Variants in LRRFIP2 observed in about 807,000 individuals in gnomAD.
LRRFIP2 encodes LRR binding FLII interacting protein 2.
A neutral mutation model predicts 125.9 loss-of-function variants in LRRFIP2; 109 were observed. The observed-to-expected ratio is 0.87, with a 90% CI of 0.74 to 1.01. The LOEUF is 1.01. LRRFIP2 is among the 50% of genes least tolerant of loss of function. The pLI is 0.00. For missense variants in LRRFIP2, 850 were observed against 862.3 expected (o/e 0.99, Z 0.18); for synonymous variants, 291 against 293.1 (o/e 0.99, Z 0.07).
At chr3:37,138,187 C>T (rs975383322) in intron 2 of LRRFIP2, among the ~76,000 whole-genome samples, 17 of 152,180 alleles carry the variant, frequency 1.1e-4, no homozygotes, top group Non-Finnish European at 2.9e-5. Context: ...ATGCCCAATA[C>T]CCAAAGCATT....
At chr3:37,090,251 C>CAA (rs1421643738) in intron 18 of LRRFIP2, among the ~76,000 whole-genome samples, 1 of 129,424 alleles carries the variant, frequency 7.7e-6, no homozygotes, top group Non-Finnish European at 1.8e-5. Context: ...TGTTTTGAGA[C>CAA]AGAGTCTCGC....
Position 37,100,261 on chromosome 3 carries a change from G to A in LRRFIP2, c.873+2663C>T, listed in dbSNP as rs181751014. ...GATCAGTTGAGCCCAAGAGTTTGAG[G>A]CTGCAGTGAGCTATGATGGCTCCAC... On this transcript the variant is annotated intron_variant, in intron 15 of 27. Transcript: ENST00000336686. Among the ~76,000 whole-genome samples, 21 of 152,134 alleles carry A rather than the reference G, an allele frequency of 1.4e-4. No individual in the cohort carries two copies. The East Asian group carries it at 2.3e-3, about 17-fold the overall frequency.
At chr3:37,165,608 T>C (rs2096460968) in intron 1 of LRRFIP2, among the ~76,000 whole-genome samples, 1 of 151,444 alleles carries the variant, frequency 6.6e-6, no homozygotes, top group Non-Finnish European at 1.5e-5. Flanking sequence ...AAAAATTAGC[T>C]GGGCGTGGTG....
At chr3:37,151,872 TG>T (rs1363006126) in intron 1 of LRRFIP2, among the ~76,000 whole-genome samples, 1 of 152,182 alleles carries the variant, frequency 6.6e-6, no homozygotes, top group Non-Finnish European at 1.5e-5. Flanking sequence ...CCCAAAGTGC[TG>T]GGATTACAGG....
chr3:37,059,406 T>G (rs2148666576), intron 24 of LRRFIP2, among the ~76,000 whole-genome samples: 1 of 152,312 alleles, frequency 6.6e-6, no homozygotes, highest in South Asian at 2.1e-4. Flanking sequence ...AGAGATTATT[T>G]CTTAAAATGG....
chr3:37,061,103 T>C (rs555704800), intron 24 of LRRFIP2, among the ~76,000 whole-genome samples: 1 of 152,266 alleles, frequency 6.6e-6, no homozygotes, highest in East Asian at 1.9e-4. Flanking sequence ...TTTAAGAGTG[T>C]ATGTTACCTC....
rs926003808 is a variant in LRRFIP2 at position 37,102,797 on chromosome 3, C to T, written c.873+127G>A. On this transcript the variant is annotated intron_variant, in intron 15 of 27. Transcript: ENST00000336686. ...GATTACAAGTGTGAGCCACCATGCC[C>T]GGCCCAAACAAATATTTCTTAAGAC... 5.4e-5 allele frequency: 35 copies of T among 649,094 alleles called. 1 individual carries two copies. The highest frequency in any genetic ancestry group is 9.7e-5 in the East Asian group (3 of 31,068). The allele number at this position is 649,094 out of a possible 1,614,324, so 40.2% of individuals were successfully genotyped here.
At chr3:37,098,437 G>C (rs1001991008) in intron 15 of LRRFIP2, among the ~76,000 whole-genome samples, 2 of 151,008 alleles carry the variant, frequency 1.3e-5, no homozygotes, top group Non-Finnish European at 3.0e-5. Flanking sequence ...ACCCAGGCTG[G>C]AGTGCAATGG....
chr3:37,129,175 T>C (rs763983628), intron 2 of LRRFIP2, 26 bp from the exon 3 acceptor site: 1 of 1,606,588 alleles, frequency 6.2e-7, no homozygotes, highest in East Asian at 2.2e-5. Context: ...AAACTCAGCT[T>C]TATACAACAA....
intron 2 of LRRFIP2, among the ~76,000 whole-genome samples, chr3:37,144,311 C>T (rs766132495): frequency 2.0e-5 from 3 of 152,258 alleles, no homozygotes; most frequent in Non-Finnish European, 2.9e-5. Flanking sequence ...GTTTATATCT[C>T]TTTCTCCCTT....
chr3:37,054,853 T>C (rs1203304611), intron 26 of LRRFIP2, among the ~76,000 whole-genome samples: 1 of 151,246 alleles, frequency 6.6e-6, no homozygotes, highest in African/African-American at 2.4e-5. Context: ...TTACAAATGA[T>C]GATCTTGAAT....
At chr3:37,100,363 CAT>C (rs1401141612) in intron 15 of LRRFIP2, among the ~76,000 whole-genome samples, 2 of 145,782 alleles carry the variant, frequency 1.4e-5, no homozygotes, top group African/African-American at 5.5e-5. Context: ...TATATATACA[CAT>C]ACATACATAC....
chr3:37,149,856 C>T (rs571779783), intron 1 of LRRFIP2, among the ~76,000 whole-genome samples: 1 of 151,662 alleles, frequency 6.6e-6, no homozygotes, highest in Non-Finnish European at 1.5e-5. Flanking sequence ...CAAAAATTAG[C>T]CAGGCATGGT....
intron 1 of LRRFIP2, among the ~76,000 whole-genome samples, chr3:37,164,122 G>A (rs2096415224): frequency 2.0e-5 from 3 of 152,108 alleles, no homozygotes; most frequent in African/African-American, 7.2e-5. Context: ...GCGCATTTAG[G>A]GGGAAAGCAA....
chr3:37,124,355 T>C (rs1355949931), intron 4 of LRRFIP2, among the ~76,000 whole-genome samples: 2 of 152,238 alleles, frequency 1.3e-5, no homozygotes, highest in South Asian at 2.1e-4. Flanking sequence ...ATTTTAATTA[T>C]ACCAAAAACG....
At chr3:37,136,568 G>A (rs1365725708) in intron 2 of LRRFIP2, among the ~76,000 whole-genome samples, 2 of 151,990 alleles carry the variant, frequency 1.3e-5, no homozygotes, top group Non-Finnish European at 2.9e-5. Context: ...ATAAAGGGGA[G>A]CTTATAACCT....
intron 4 of LRRFIP2, among the ~76,000 whole-genome samples, chr3:37,122,094 T>A (rs2095077831): frequency 8.8e-6 from 1 of 113,202 alleles, no homozygotes; most frequent in Non-Finnish European, 1.7e-5. Context: ...ACAAGCCCTA[T>A]GTGTGATGTT....
intron 18 of LRRFIP2, among the ~76,000 whole-genome samples, chr3:37,090,157 AGTCACCCTTCTAAAT>A (rs1161045735): frequency 5.3e-5 from 8 of 152,124 alleles, no homozygotes; most frequent in Non-Finnish European, 1.0e-4. Context: ...ATATATCCTG[AGTCACCCTTCTAAAT>A]GTCTTGCTTT....
chr3:37,089,853 A>G (rs1012749503), intron 18 of LRRFIP2, among the ~76,000 whole-genome samples: 2 of 152,188 alleles, frequency 1.3e-5, no homozygotes, highest in African/African-American at 4.8e-5. Flanking sequence ...AAAACCTTAA[A>G]AGAGAGATTA....
Sources: allele counts gnomAD v4.1 joint callset (sites outside exome capture counted in the v4.1 genomes callset), GRCh38; gene constraint gnomAD v4.1.1; transcripts MANE v1.5; gene names NCBI Gene and HGNC (gene_info 2026-07-23, HGNC 2026-07-21).